The following SPOCK1 variants were observed in gnomAD, a reference collection of about 807,000 sequenced individuals.
SPOCK1 encodes the protein testican-1.
SPOCK1 carries 23 observed loss-of-function variants against 55.3 expected under a neutral mutation model. The ratio of observed to expected loss-of-function variants is 0.42; its 90% confidence interval spans 0.30 to 0.59. The LOEUF (loss-of-function observed/expected upper bound fraction) is 0.59. Ranked by LOEUF, SPOCK1 falls within the 20% of genes least tolerant of loss-of-function variation. SPOCK1 has a pLI of 0.22. For synonymous variants in SPOCK1, 226 were observed against 221.0 expected, an observed-to-expected ratio of 1.02 and a Z score of -0.20; for missense variants, 499 against 552.5, an observed-to-expected ratio of 0.90 and a Z score of 0.97.
At chr5:137,039,146 ATTCTTATTTCCAT>A (rs1166871364) in intron 6 of SPOCK1, among the ~76,000 whole-genome samples, 1 of 152,080 alleles carries the variant, frequency 6.6e-6, no homozygotes, top group Non-Finnish European at 1.5e-5. Context: ...AGGTATTGTT[ATTCTTATTTCCAT>A]TCTTCCAATG....
intron 3 of SPOCK1, among the ~76,000 whole-genome samples, chr5:137,145,732 T>C (rs1462803057): frequency 3.3e-5 from 5 of 152,222 alleles, no homozygotes; most frequent in Non-Finnish European, 7.3e-5. Context: ...GTAAGGTACC[T>C]AATTCAGCCT....
chr5:137,469,911 A>C (rs1411920083), intron 2 of SPOCK1, among the ~76,000 whole-genome samples: 1 of 152,176 alleles, frequency 6.6e-6, no homozygotes, highest in Non-Finnish European at 1.5e-5. Flanking sequence ...TGCTGCTATG[A>C]GGTGGGCTTT....
chr5:137,137,328 T>TA (rs1754002742), intron 4 of SPOCK1, among the ~76,000 whole-genome samples: 1 of 152,100 alleles, frequency 6.6e-6, no homozygotes, highest in Non-Finnish European at 1.5e-5. Context: ...GATGAATAAA[T>TA]AGAGTTGTCA....
At chr5:136,990,425 T>TAA (rs61532412) in intron 7 of SPOCK1, among the ~76,000 whole-genome samples, 4 of 141,982 alleles carry the variant, frequency 2.8e-5, no homozygotes, top group Non-Finnish European at 3.1e-5. Flanking sequence ...AGTGCTCAAT[T>TAA]AAAAAAAAAA....
At chr5:137,288,871 G>C (rs1029658928) in intron 2 of SPOCK1, among the ~76,000 whole-genome samples, 1 of 152,178 alleles carries the variant, frequency 6.6e-6, no homozygotes, top group African/African-American at 2.4e-5. Flanking sequence ...TGGAGAACTG[G>C]GGAAGGAAAA....
At chr5:137,058,636 G>A (rs1160104000) in intron 6 of SPOCK1, among the ~76,000 whole-genome samples, 3 of 152,122 alleles carry the variant, frequency 2.0e-5, no homozygotes, top group African/African-American at 4.8e-5. Flanking sequence ...GTAAGCAAAC[G>A]AATATATTAG....
chr5:137,106,829 C>T (rs912433988), intron 5 of SPOCK1, among the ~76,000 whole-genome samples: 9 of 152,134 alleles, frequency 5.9e-5, no homozygotes, highest in Non-Finnish European at 1.2e-4. Context: ...AAATGTGGCC[C>T]TTGGTGACTT....
At chr5:137,060,719 G>T (rs13357984) in intron 6 of SPOCK1, among the ~76,000 whole-genome samples, 1 of 151,810 alleles carries the variant, frequency 6.6e-6, no homozygotes, top group Non-Finnish European at 1.5e-5. Flanking sequence ...CCTCTATCCC[G>T]TTCACTGAAC....
chr5:137,428,081 T>C (rs1487734363), intron 2 of SPOCK1, among the ~76,000 whole-genome samples: 1 of 152,154 alleles, frequency 6.6e-6, no homozygotes, highest in Non-Finnish European at 1.5e-5. Context: ...TTCAGGACTT[T>C]CTATGGATAA....
intron 5 of SPOCK1, among the ~76,000 whole-genome samples, chr5:137,068,344 A>G (rs1752548856): frequency 1.3e-5 from 2 of 152,148 alleles, no homozygotes; most frequent in Non-Finnish European, 2.9e-5. Context: ...ATGAAGAATG[A>G]ATGCTCTTGC....
intron 3 of SPOCK1, among the ~76,000 whole-genome samples, chr5:137,231,396 T>C (rs1756061117): frequency 6.6e-6 from 1 of 152,190 alleles, no homozygotes; most frequent in African/African-American, 2.4e-5. Context: ...CCTGCCCCCT[T>C]GTTCCCCTAC....
intron 3 of SPOCK1, among the ~76,000 whole-genome samples, chr5:137,231,048 CTTT>C (rs11367897): frequency 6.8e-6 from 1 of 148,138 alleles, no homozygotes; most frequent in African/African-American, 2.5e-5. Flanking sequence ...GTGTTACCCC[CTTT>C]TTTTTTTTTG....
At chr5:137,167,475 G>C (rs1580786891) in intron 3 of SPOCK1, among the ~76,000 whole-genome samples, 1 of 151,558 alleles carries the variant, frequency 6.6e-6, no homozygotes, top group Non-Finnish European at 1.5e-5. Context: ...GAATCTAGTA[G>C]ATATTTACAG....
chr5:137,266,054 C>A (rs547994716), intron 3 of SPOCK1, among the ~76,000 whole-genome samples: 2 of 152,102 alleles, frequency 1.3e-5, no homozygotes, highest in African/African-American at 4.8e-5. Context: ...TTTTTGCTTA[C>A]GAGAAAACCA....
chr5:137,391,131 T>C (rs1258014846), intron 2 of SPOCK1, among the ~76,000 whole-genome samples: 1 of 152,124 alleles, frequency 6.6e-6, no homozygotes, highest in Non-Finnish European at 1.5e-5. Flanking sequence ...TATTCCCACT[T>C]ATGAGCGAGA....
chr5:137,419,031 T>A (rs1299030711), intron 2 of SPOCK1, among the ~76,000 whole-genome samples: 1 of 152,214 alleles, frequency 6.6e-6, no homozygotes, highest in Non-Finnish European at 1.5e-5. Context: ...CTAGCCAGTT[T>A]TCCCAGCACC....
intron 2 of SPOCK1, among the ~76,000 whole-genome samples, chr5:137,388,860 C>T (rs926610668): frequency 6.6e-6 from 1 of 152,144 alleles, no homozygotes; most frequent in Non-Finnish European, 1.5e-5. Flanking sequence ...AGGGATCTTG[C>T]CAACACTCAC....
intron 2 of SPOCK1, among the ~76,000 whole-genome samples, chr5:137,271,631 A>G (rs2127119426): frequency 6.6e-6 from 1 of 152,152 alleles, no homozygotes; most frequent in African/African-American, 2.4e-5. Flanking sequence ...CATAGCCCCA[A>G]AATGACTGAT....
At chr5:137,399,133 C>T (rs1312808741) in intron 2 of SPOCK1, among the ~76,000 whole-genome samples, 5 of 152,150 alleles carry the variant, frequency 3.3e-5, no homozygotes, top group Admixed American at 6.5e-5. Context: ...TTCTACTTTT[C>T]GAGTCACAGT....
Sources: gnomAD v4.1 joint callset for allele counts (sites outside exome capture counted in the v4.1 genomes callset) on GRCh38, gnomAD v4.1.1 for gene constraint, MANE v1.5 for transcripts, NCBI Gene and HGNC (gene_info 2026-07-23, HGNC 2026-07-21) for gene names.